The following TULP4 variants were observed in gnomAD, a reference collection of about 807,000 sequenced individuals.
TULP4 encodes the protein tubby-related protein 4.
In TULP4, 16 loss-of-function variants were observed where a neutral mutation model predicts 129.0. The observed-to-expected ratio is 0.12, with a 90% CI of 0.08 to 0.19. The LOEUF (loss-of-function observed/expected upper bound fraction) is 0.19, where lower values mean the gene tolerates loss of function less well. Ranked by LOEUF, TULP4 falls within the 10% of genes least tolerant of loss-of-function variation. The probability of loss-of-function intolerance (pLI) is 1.00; values close to 1 mark genes in which losing one functional copy is unlikely to be tolerated. For synonymous variants in TULP4, 998 were observed against 854.0 expected, an observed-to-expected ratio of 1.17 and a Z score of -2.94; for missense variants, 1,842 against 2,059.1, an observed-to-expected ratio of 0.89 and a Z score of 2.04.
At position 158,506,747 on chromosome 6, in the gene TULP4, C is replaced by G; in HGVS notation, c.*53C>G. ...GCAGAGAGCCTTTGGAAGAGGTCTT[C>G]GGAGATGCCAGAGGAGCCCTCTAGG... On this transcript the variant is annotated 3_prime_UTR_variant, in exon 14 of 14. Coordinates refer to ENST00000367097, the MANE Select transcript of TULP4 (RefSeq NM_020245.5). 1.5e-6 allele frequency: 2 copies of G among 1,297,120 alleles called. No homozygotes were observed. Among genetic ancestry groups the G allele is most frequent in the Non-Finnish European group, 2.2e-6 (2 of 896,006 alleles). 80.4% of individuals were successfully genotyped at this position (1,297,120 alleles called of 1,614,324 possible).
intron 1 of TULP4, among the ~76,000 whole-genome samples, chr6:158,319,250 T>C (rs1221776385): frequency 2.6e-5 from 4 of 152,290 alleles, no homozygotes; most frequent in African/African-American, 7.2e-5. Flanking sequence ...TGTAGGACTT[T>C]GCTAAGATTT....
At chr6:158,296,550 C>T (rs1779036455) in intron 1 of TULP4, among the ~76,000 whole-genome samples, 2 of 152,200 alleles carry the variant, frequency 1.3e-5, no homozygotes, top group Admixed American at 6.5e-5. Flanking sequence ...TGATAAGGGT[C>T]TAACAAAGAT....
intron 6 of TULP4, among the ~76,000 whole-genome samples, chr6:158,474,638 T>G (rs933733387): frequency 3.3e-5 from 5 of 152,190 alleles, no homozygotes; most frequent in African/African-American, 1.2e-4. Context: ...GGAATTTCAC[T>G]ACCTCACGTT....
chr6:158,344,107 A>G (rs1780248066), intron 1 of TULP4, among the ~76,000 whole-genome samples: 1 of 152,154 alleles, frequency 6.6e-6, no homozygotes, highest in African/African-American at 2.4e-5. Flanking sequence ...TCCACCCTTA[A>G]GAATGTTCTT....
chr6:158,502,309 C>G lies in TULP4; in HGVS notation c.2646C>G (p.Pro882=), dbSNP rs1255350529. 1 of 1,613,588 alleles carries G rather than the reference C, an allele frequency of 6.2e-7. No homozygotes were observed. Among genetic ancestry groups the G allele is most frequent in the Non-Finnish European group, 8.5e-7 (1 of 1,179,882 alleles). ...LYPTSVHYQT[P]LGYERITTFD... Reference sequence around the variant, plus strand: ...CCACGTCAGTGCACTACCAGACCCCCCTGGGCTATGAGAGGATCACCACCT... The same window carrying G: ...CCACGTCAGTGCACTACCAGACCCCGCTGGGCTATGAGAGGATCACCACCT... Residue 882 remains proline (P), a synonymous_variant, in exon 13 of 14, where the codon CCC becomes CCG. Transcript: ENST00000367097.
chr6:158,458,984 G>A (rs1361871325), intron 5 of TULP4, among the ~76,000 whole-genome samples: 1 of 152,170 alleles, frequency 6.6e-6, no homozygotes, highest in South Asian at 2.1e-4. Context: ...ATCATCAGAG[G>A]CACTCACATA....
intron 3 of TULP4, among the ~76,000 whole-genome samples, chr6:158,447,251 A>C (rs1403042654): frequency 1.3e-5 from 2 of 152,214 alleles, no homozygotes; most frequent in Non-Finnish European, 2.9e-5. Flanking sequence ...CGCCTGTGTC[A>C]CATGAAGGCT....
At position 158,479,775 on chromosome 6, in the gene TULP4, G is replaced by C; in HGVS notation, c.1051G>C (p.Gly351Arg). The change falls in exon 7 of 14, where the codon GGT becomes CGT. Residue 351 changes from glycine (G) to arginine (R), a missense_variant. By Grantham distance (125) the Gly-to-Arg change is moderately radical. Transcript: ENST00000367097. ...GCGCCCCATCATCTCCATCTGCTGG[G>C]GTCACCGGGATTCGAGGCTGTTGAT... ...VQRPIISICWGHRDSRLLMAS... is the reference protein window; with the variant it reads ...VQRPIISICWRHRDSRLLMAS... 6.2e-7 allele frequency: 1 copy of C among 1,613,902 alleles called. No individual in the cohort carries two copies. Among genetic ancestry groups the C allele is most frequent in the Non-Finnish European group, 8.5e-7 (1 of 1,179,888 alleles).
chr6:158,441,657 C>T (rs940757018), intron 3 of TULP4, among the ~76,000 whole-genome samples: 1 of 152,206 alleles, frequency 6.6e-6, no homozygotes, highest in Non-Finnish European at 1.5e-5. Context: ...AGGACAAAGG[C>T]TCGCTCCTTC....
intron 1 of TULP4, among the ~76,000 whole-genome samples, chr6:158,360,222 TTATAGCTCCTG>T (rs887162671): frequency 6.6e-5 from 10 of 152,146 alleles, no homozygotes; most frequent in African/African-American, 2.4e-4. Context: ...GCAGCACTTC[TTATAGCTCCTG>T]TATGGCTCCT....
rs535814004 is a variant in TULP4 at position 158,494,760 on chromosome 6, A to C, written c.1784A>C (p.Tyr595Ser). 1 of 1,613,520 alleles carries C rather than the reference A, an allele frequency of 6.2e-7. No individual in the cohort carries two copies. Among genetic ancestry groups the C allele is most frequent in the East Asian group, 2.2e-5 (1 of 44,874 alleles). Reference sequence around the variant, plus strand: ...CTTTTCTTCCTACCGCAGCACAACTATCTTGCTCAGGTCACGTCTAATATC... The same window carrying C: ...CTTTTCTTCCTACCGCAGCACAACTCTCTTGCTCAGGTCACGTCTAATATC... ...FPFEDITQHN[Y>S]LAQVTSNIWG... The change falls in exon 11 of 14, where the codon TAT becomes TCT. Residue 595 changes from tyrosine (Y) to serine (S), a missense_variant. Coordinates refer to ENST00000367097, the MANE Select transcript of TULP4 (RefSeq NM_020245.5).
At position 158,502,058 on chromosome 6, in the gene TULP4, C is replaced by G. The variant is rs1291341713; in HGVS notation, c.2395C>G (p.Gln799Glu). Residue 799 changes from glutamine to glutamate, a missense_variant, in exon 13 of 14, where the codon CAG (glutamine) becomes GAG (glutamate). Gln to Glu is a conservative substitution (Grantham distance 29). Around this residue, in one of 5 missense-constraint regions of TULP4, gnomAD observed 1,089 missense variants for 987.1 expected, o/e 1.10. Coordinates refer to ENST00000367097, the MANE Select transcript of TULP4 (RefSeq NM_020245.5). ...TGGAGACCGAGACCACGAACACCTGCAGAAGTCAGCCAAGGCCCTGCGGCC... is the reference window on the plus strand; with the variant it reads ...TGGAGACCGAGACCACGAACACCTGGAGAAGTCAGCCAAGGCCCTGCGGCC... ...GHGDRDHEHL[Q>E]KSAKALRPTP... 2 of 1,613,294 alleles carry G rather than the reference C, an allele frequency of 1.2e-6. No homozygotes were observed. The highest frequency in any genetic ancestry group is 2.7e-5 in the African/African-American group (2 of 74,828).
At chr6:158,396,090 T>C (rs1777708128) in intron 1 of TULP4, among the ~76,000 whole-genome samples, 1 of 152,214 alleles carries the variant, frequency 6.6e-6, no homozygotes, top group East Asian at 1.9e-4. Flanking sequence ...GGGAAAATAG[T>C]TCCTGCTATT....
At chr6:158,310,917 A>T (rs77463968), upstream of TULP4, among the ~76,000 whole-genome samples, 1 of 152,024 alleles carries the variant, frequency 6.6e-6, no homozygotes, top group Non-Finnish European at 1.5e-5. Context: ...AAAATTAATA[A>T]TTTTTACTGC....
chr6:158,487,713 G>A (rs572671666), intron 8 of TULP4, among the ~76,000 whole-genome samples: 1 of 152,364 alleles, frequency 6.6e-6, no homozygotes, highest in East Asian at 1.9e-4. Flanking sequence ...ATTGCTAGTC[G>A]TGCTGATGAC....
chr6:158,506,211 C>A (rs1001341517), intron 13 of TULP4, among the ~76,000 whole-genome samples: 2 of 147,430 alleles, frequency 1.4e-5, no homozygotes, highest in Admixed American at 1.4e-4. Context: ...TGTCGCCTTG[C>A]TCGCCTTGTT....
rs2128264065 is a variant in TULP4, at chr6:158,502,693, G to T, written c.3030G>T (p.Gln1010His). 1 of 1,558,600 alleles carries T rather than the reference G, an allele frequency of 6.4e-7. No individual in the cohort carries two copies. Among genetic ancestry groups the T allele is most frequent in the South Asian group, 1.2e-5 (1 of 83,980 alleles). The change falls in exon 13 of 14, where the codon CAG becomes CAT. Residue 1010 changes from glutamine (Q) to histidine (H), a missense_variant. By Grantham distance (24) the Gln-to-His change is conservative (BLOSUM62 0). This residue lies in a region of TULP4 where 1,089 missense variants were observed against 987.1 expected (regional missense o/e 1.10). Coordinates refer to ENST00000367097, the MANE Select transcript of TULP4 (RefSeq NM_020245.5). ...QLADSPRAPL[Q>H]PLAKSKGGPG... The stretch of plus-strand genomic sequence containing the variant: ...CCGACAGCCCGCGGGCCCCCCTGCA[G>T]CCCCTGGCCAAGTCCAAGGGCGGGC...
At position 158,240,488 on chromosome 6, in the gene TULP4, C is replaced by T. The variant is rs568226659; in HGVS notation, n.68+8185C>T. ...GGCGGAAGGCTGACCCCCCCACCTC[C>T]CTCCCGGACAGGGCGGCTGGCCGGG... On this transcript the variant is annotated intron_variant and non_coding_transcript_variant, in intron 1 of 1. Transcript: ENST00000620026. Among the ~76,000 whole-genome samples the T allele has an allele frequency of 2.2e-3, 197 of 90,444 alleles. 30 individuals are homozygous for T. The highest frequency in any genetic ancestry group is 3.8e-3 in the Non-Finnish European group (150 of 39,488). 59.3% of individuals were successfully genotyped at this position (90,444 alleles called of 152,430 possible). A position where few individuals can be genotyped will look rare whatever the true frequency, so the allele number is the denominator to read the frequency against.
At chr6:158,390,195 T>C (rs112050390) in intron 1 of TULP4, among the ~76,000 whole-genome samples, 16 of 152,172 alleles carry the variant, frequency 1.1e-4, no homozygotes, top group African/African-American at 2.9e-4. Flanking sequence ...ATTAACAGTT[T>C]GGTATTCTCT....
Sources: allele counts gnomAD v4.1 joint callset (sites outside exome capture counted in the v4.1 genomes callset), GRCh38; gene constraint gnomAD v4.1.1; regional missense constraint gnomAD v4.1.1; transcripts MANE v1.5; gene names NCBI Gene and HGNC (gene_info 2026-07-23, HGNC 2026-07-21).